Variants in MAP2K1 observed in about 807,000 individuals in gnomAD.
MAP2K1 encodes the protein dual specificity mitogen-activated protein kinase kinase 1.
MAP2K1 carries 16 observed loss-of-function variants against 46.3 expected under a neutral mutation model. The observed-to-expected ratio is 0.35, with a 90% confidence interval of 0.23 to 0.52. MAP2K1 has a LOEUF of 0.52. Ranked by LOEUF, MAP2K1 falls within the 20% of genes least tolerant of loss-of-function variation. The pLI is 0.94. For synonymous variants in MAP2K1, 183 were observed against 185.6 expected (o/e 0.99, Z 0.11); for missense variants, 263 against 497.1 (o/e 0.53, Z 4.48).
chr15:66,431,235 A>G (rs143518430), intron 1 of MAP2K1, among the ~76,000 whole-genome samples: 148 of 152,334 alleles, frequency 9.7e-4, no homozygotes, highest in Non-Finnish European at 2.0e-3. Flanking sequence ...GATTGGTGAT[A>G]TAGTCGTTGG....
At chr15:66,425,234 A>G (rs2093454864) in intron 1 of MAP2K1, among the ~76,000 whole-genome samples, 1 of 152,174 alleles carries the variant, frequency 6.6e-6, no homozygotes, top group Non-Finnish European at 1.5e-5. Context: ...AAAGTTTTGT[A>G]TACCTCCTTC....
chr15:66,481,694 CCTTCT>C, intron 5 of MAP2K1, 56 bp from the exon 6 acceptor site: 1 of 1,588,894 alleles, frequency 6.3e-7, no homozygotes, highest in Non-Finnish European at 8.6e-7. Context: ...GAATGCTGAT[CCTTCT>C]CTTCCCCAAT....
intron 2 of MAP2K1, among the ~76,000 whole-genome samples, chr15:66,435,627 CG>C (rs1291469664): frequency 2.0e-5 from 3 of 152,018 alleles, no homozygotes; most frequent in Admixed American, 2.0e-4. Flanking sequence ...TGTGCCCAGC[CG>C]TGCTGTTTGA....
At chr15:66,479,819 T>A (rs1401683306) in intron 5 of MAP2K1, among the ~76,000 whole-genome samples, 1 of 152,136 alleles carries the variant, frequency 6.6e-6, no homozygotes, top group Non-Finnish European at 1.5e-5. Context: ...GAATGGTGAT[T>A]ACCCCCAGGC....
chr15:66,457,721 G>A (rs1388972839), intron 5 of MAP2K1, among the ~76,000 whole-genome samples: 1 of 152,100 alleles, frequency 6.6e-6, no homozygotes, highest in African/African-American at 2.4e-5. Context: ...CAGCACTTTG[G>A]GAGATCAAGG....
intron 1 of MAP2K1, among the ~76,000 whole-genome samples, chr15:66,410,320 ACCATTAAAGG>A (rs1385290426): frequency 1.3e-5 from 2 of 152,188 alleles, no homozygotes; most frequent in African/African-American, 4.8e-5. Flanking sequence ...TTTGGTGAGG[ACCATTAAAGG>A]CTTAACACAT....
intron 4 of MAP2K1, among the ~76,000 whole-genome samples, 167 bp from the exon 5 acceptor site, chr15:66,444,489 C>T (rs1251618871): frequency 7.2e-5 from 11 of 152,108 alleles, no homozygotes; most frequent in Non-Finnish European, 4.4e-5. Context: ...GCCGAGATCG[C>T]GCCATTGCAT....
chr15:66,485,960 G>A (rs192601386), intron 7 of MAP2K1, among the ~76,000 whole-genome samples: 205 of 151,986 alleles, frequency 1.3e-3, no homozygotes, highest in Non-Finnish European at 2.6e-3. Context: ...GTACAGTGGC[G>A]CCATCATGGC....
intron 5 of MAP2K1, among the ~76,000 whole-genome samples, chr15:66,464,205 G>A (rs1892403385): frequency 6.6e-6 from 1 of 152,144 alleles, no homozygotes; most frequent in Non-Finnish European, 1.5e-5. Context: ...TTTATTCCTA[G>A]ACAGGTAGGT....
In MAP2K1 at chr15:66,483,904, C is replaced by G. The variant is rs187393971; in HGVS notation, c.694-1086C>G. Among the ~76,000 whole-genome samples the G allele has an allele frequency of 3.0e-3, 461 of 151,638 alleles. 1 individual carries two copies. The highest frequency in any genetic ancestry group is 4.7e-3 in the Non-Finnish European group (317 of 67,838). ...CTGGAACTACAGGCGTGTGCCACCACGCCCGGCTAATTTTTTTGTATTTTT... is the reference window on the plus strand; with the variant it reads ...CTGGAACTACAGGCGTGTGCCACCAGGCCCGGCTAATTTTTTTGTATTTTT... On this transcript the variant is annotated intron_variant, in intron 6 of 10. Coordinates refer to ENST00000307102, the MANE Select transcript of MAP2K1 (RefSeq NM_002755.4).
At chr15:66,415,638 T>C (rs1026894896) in intron 1 of MAP2K1, among the ~76,000 whole-genome samples, 1 of 152,268 alleles carries the variant, frequency 6.6e-6, no homozygotes, top group Non-Finnish European at 1.5e-5. Context: ...GCCTTCAAGC[T>C]GACTTTCCTG....
chr15:66,406,822 G>A (rs899298193), intron 1 of MAP2K1, among the ~76,000 whole-genome samples: 2 of 151,980 alleles, frequency 1.3e-5, no homozygotes, highest in Admixed American at 6.6e-5. Flanking sequence ...CCTGAGCTCC[G>A]CAGTTTGAGA....
intron 1 of MAP2K1, among the ~76,000 whole-genome samples, chr15:66,406,378 A>G (rs1278692879): frequency 6.6e-6 from 1 of 152,226 alleles, no homozygotes; most frequent in Non-Finnish European, 1.5e-5. Flanking sequence ...AGATGCTATT[A>G]AAAGGCATTT....
At chr15:66,444,276 G>A (rs1278310664) in intron 4 of MAP2K1, among the ~76,000 whole-genome samples, 3 of 150,872 alleles carry the variant, frequency 2.0e-5, no homozygotes, top group African/African-American at 7.3e-5. Flanking sequence ...GCTTACACCT[G>A]TAATCCCAGC....
chr15:66,443,186 A>G (rs920327883), intron 3 of MAP2K1, 94 bp from the exon 4 acceptor site: 5 of 766,374 alleles, frequency 6.5e-6, no homozygotes, highest in African/African-American at 1.8e-5. Context: ...TCCCAGGTTC[A>G]TGCCATTCTC....
At chr15:66,478,190 C>T (rs1303194128) in intron 5 of MAP2K1, among the ~76,000 whole-genome samples, 1 of 150,780 alleles carries the variant, frequency 6.6e-6, no homozygotes, top group African/African-American at 2.4e-5. Flanking sequence ...TCCTTGCCAC[C>T]CTGTCACAAC....
At chr15:66,489,788 T>TA (rs1449147707) in intron 10 of MAP2K1, 25 bp downstream of exon 10, 5 of 1,590,078 alleles carry the variant, frequency 3.1e-6, no homozygotes, top group Non-Finnish European at 3.5e-6. Flanking sequence ...TCCGGATTCT[T>TA]ACAGTACCTG....
chr15:66,443,208 A>G lies in MAP2K1; in HGVS notation c.439-72A>G, dbSNP rs2093509678. On this transcript the variant is annotated intron_variant, in intron 3 of 10. Transcript: ENST00000307102. The stretch of plus-strand genomic sequence containing the variant: ...TTCATGCCATTCTCCTGCCTCAGCC[A>G]CAGCCGAAAGTTATCACTTGAAAGA... 3.9e-5 allele frequency: 35 copies of G among 897,348 alleles called. No homozygotes were observed. The South Asian group carries it at 4.2e-4, about 11-fold the overall frequency. The allele number at this position is 897,348 out of a possible 1,614,324, so 55.6% of individuals were successfully genotyped here. A position where few individuals can be genotyped will look rare whatever the true frequency, so the allele number is the denominator to read the frequency against.
At chr15:66,435,331 T>TA in intron 2 of MAP2K1, 94 bp downstream of exon 2, 1 of 1,013,726 alleles carries the variant, frequency 9.9e-7, no homozygotes. Flanking sequence ...TTTTACTCAA[T>TA]ACCTTTTTGT....
Sources: gnomAD v4.1 joint callset for allele counts (sites outside exome capture counted in the v4.1 genomes callset) on GRCh38, gnomAD v4.1.1 for gene constraint, MANE v1.5 for transcripts, NCBI Gene and HGNC (gene_info 2026-07-23, HGNC 2026-07-21) for gene names.